Variants in MCF2L observed in about 807,000 individuals in gnomAD.
MCF2L encodes the protein MCF.2 cell line derived transforming sequence like.
A neutral mutation model predicts 153.4 loss-of-function variants in MCF2L; 97 were observed. The observed-to-expected ratio is 0.63, with a 90% confidence interval of 0.54 to 0.75. MCF2L has a LOEUF of 0.75. Among genes scored for constraint, MCF2L ranks in the 30% least tolerant of loss-of-function variants. The probability of loss-of-function intolerance (pLI) is 0.00; values close to 1 mark genes in which losing one functional copy is unlikely to be tolerated. For missense variants in MCF2L, 1,347 were observed against 1,495.2 expected (o/e 0.90, Z 1.64); for synonymous variants, 659 against 632.2 (o/e 1.04, Z -0.64).
intron 1 of MCF2L, among the ~76,000 whole-genome samples, chr13:113,007,310 C>T (rs1352539755): frequency 6.6e-6 from 1 of 152,158 alleles, no homozygotes; most frequent in Non-Finnish European, 1.5e-5. Context: ...AGGCAAGTGC[C>T]CCCCTGCATG....
At chr13:113,090,986 C>T in intron 26 of MCF2L, 1 of 1,235,408 alleles carries the variant, frequency 8.1e-7, no homozygotes, top group Non-Finnish European at 1.0e-6. Flanking sequence ...ACAGAAGCTC[C>T]TTTTTCATCG....
At chr13:113,087,185 G>A in intron 21 of MCF2L, 50 bp from the exon 22 acceptor site, 1 of 1,503,002 alleles carries the variant, frequency 6.7e-7, no homozygotes, top group Non-Finnish European at 9.1e-7. Flanking sequence ...GCGCGTCCAT[G>A]GCCCCAGGCC....
intron 1 of MCF2L, chr13:112,902,135 G>C: frequency 7.3e-7 from 1 of 1,375,610 alleles, no homozygotes; most frequent in South Asian, 1.3e-5. Flanking sequence ...TTTGTTCAGA[G>C]CAACAGTTCT....
At chr13:113,055,398 A>C (rs1372897157) in intron 4 of MCF2L, among the ~76,000 whole-genome samples, 1 of 37,410 alleles carries the variant, frequency 2.7e-5, no homozygotes, top group Admixed American at 3.1e-4. Context: ...ACACACACAC[A>C]CACACACACA....
intron 2 of MCF2L, among the ~76,000 whole-genome samples, chr13:112,911,922 A>C (rs1419291404): frequency 6.6e-6 from 1 of 152,256 alleles, no homozygotes; most frequent in South Asian, 2.1e-4. Flanking sequence ...AAAAGGCTAC[A>C]CGCAGGCTAG....
At chr13:112,955,749 G>A (rs1034820736) in intron 2 of MCF2L, among the ~76,000 whole-genome samples, 1 of 152,198 alleles carries the variant, frequency 6.6e-6, no homozygotes, top group Non-Finnish European at 1.5e-5. Flanking sequence ...CTTTGAATGT[G>A]GAAGCTAAGA....
intron 27 of MCF2L, 79 bp from the exon 28 acceptor site, chr13:113,096,292 G>A (rs2035647507): frequency 4.3e-6 from 5 of 1,151,268 alleles, no homozygotes; most frequent in Middle Eastern, 2.7e-4. Flanking sequence ...GCTAAGGCCC[G>A]GCACTCCGCC....
rs867471676 is a variant in MCF2L at position 112,941,151 on chromosome 13, A to G, written c.169+38780A>G. Among the ~76,000 whole-genome samples the G allele has an allele frequency of 3.9e-5, 6 of 152,136 alleles. No individual in the cohort carries two copies. Among genetic ancestry groups the G allele is most frequent in the Non-Finnish European group, 7.3e-5 (5 of 68,036 alleles). ...TTATCACATAAAAATGTAACCTACA[A>G]AAATTCAGGTCATCAGCCCGTAATG... On this transcript the variant is annotated intron_variant, in intron 2 of 29. Transcript: ENST00000375608. The surrounding 1 kb of genome is among the most constrained non-coding windows in gnomAD (Gnocchi z 4.9).
At chr13:113,082,189 C>T (rs2034207607) in intron 16 of MCF2L, among the ~76,000 whole-genome samples, 1 of 152,226 alleles carries the variant, frequency 6.6e-6, no homozygotes, top group Non-Finnish European at 1.5e-5. Context: ...GTTTCAGTTA[C>T]ACCTGAATCA....
At chr13:113,077,695 C>T (rs575152315) in intron 13 of MCF2L, among the ~76,000 whole-genome samples, 4 of 152,210 alleles carry the variant, frequency 2.6e-5, no homozygotes, top group Non-Finnish European at 5.9e-5. Context: ...CAGTCCGGCG[C>T]GCATTGCTGG....
At position 113,014,572 on chromosome 13, in the gene MCF2L, A is replaced by G. The variant is rs115279309; in HGVS notation, c.80-191A>G. On this transcript the variant is annotated intron_variant, in intron 1 of 29. Coordinates refer to ENST00000535094, the MANE Select transcript of MCF2L (RefSeq NM_001112732.3). ...TTTCAAAATTGATGGTGAATCACTC[A>G]ACACACAGCTTTTATGCGCTGAGAA... Among the ~76,000 whole-genome samples the G allele has an allele frequency of 4.4e-3, 668 of 152,246 alleles. 9 individuals are homozygous for G. The highest frequency in any genetic ancestry group is 0.015 in the African/African-American group (634 of 41,530).
intron 3 of MCF2L, chr13:113,044,416 G>A: frequency 2.3e-6 from 1 of 426,072 alleles, no homozygotes; most frequent in South Asian, 2.1e-5. Flanking sequence ...ACAGAGAGCG[G>A]CCACGCCCAT....
chr13:112,944,585 T>TG (rs989907585), intron 2 of MCF2L, among the ~76,000 whole-genome samples: 2 of 151,338 alleles, frequency 1.3e-5, no homozygotes, highest in African/African-American at 4.9e-5. Flanking sequence ...TTTTTTTTTT[T>TG]TTTTGAGACG....
chr13:113,028,323 G>A lies in MCF2L; in HGVS notation c.278+3565G>A, dbSNP rs1340984122. ...CACCCATCAAGGCCATAAGAGTGTGGTAGGCGGCACGTGTTCATGTGTGCA... is the reference window on the plus strand; with the variant it reads ...CACCCATCAAGGCCATAAGAGTGTGATAGGCGGCACGTGTTCATGTGTGCA... On this transcript the variant is annotated intron_variant, in intron 3 of 29. Coordinates refer to ENST00000535094, the MANE Select transcript of MCF2L (RefSeq NM_001112732.3). This position sits in a 1 kb window ranked among gnomAD's most constrained non-coding sequence, Gnocchi z 5.4. Among the ~76,000 whole-genome samples the A allele has an allele frequency of 2.0e-5, 3 of 152,200 alleles. No homozygotes were observed. The highest frequency in any genetic ancestry group is 2.1e-4 in the South Asian group (1 of 4,824).
At chr13:112,930,966 T>C (rs2081456469) in intron 2 of MCF2L, among the ~76,000 whole-genome samples, 1 of 152,064 alleles carries the variant, frequency 6.6e-6, no homozygotes, top group African/African-American at 2.4e-5. Context: ...AAAAATCATT[T>C]CGGAGGTCAG....
chr13:113,015,571 G>A (rs963258274), intron 2 of MCF2L, among the ~76,000 whole-genome samples: 3 of 152,146 alleles, frequency 2.0e-5, no homozygotes, highest in African/African-American at 4.8e-5. Flanking sequence ...TCAGCATCCC[G>A]GCCCCCAATC....
intron 25 of MCF2L, 118 bp from the exon 26 acceptor site, chr13:113,089,492 C>A: frequency 2.8e-6 from 2 of 713,764 alleles, no homozygotes; most frequent in Non-Finnish European, 5.0e-6. Flanking sequence ...GCAGGAGATG[C>A]TGCTTTAGGA....
Position 112,925,019 on chromosome 13 carries a change from T to C in MCF2L, c.169+22648T>C, listed in dbSNP as rs2081388716. ...TATCAATGGTGTTGGGATAACTGGATAGCCTCATGGAAAAAGATGAAAGTC... is the reference window on the plus strand; with the variant it reads ...TATCAATGGTGTTGGGATAACTGGACAGCCTCATGGAAAAAGATGAAAGTC... On this transcript the variant is annotated intron_variant, in intron 2 of 29. Transcript: ENST00000375608. Among the ~76,000 whole-genome samples the C allele has an allele frequency of 2.0e-5, 3 of 152,324 alleles. No homozygotes were observed. The South Asian group carries it at 6.2e-4, about 32-fold the overall frequency.
rs766184913 is a variant in MCF2L, at chr13:113,094,969, G to T, written c.3075+334G>T. The T allele has an allele frequency of 3.6e-6, 5 of 1,383,254 alleles. No individual in the cohort carries two copies. The South Asian group carries it at 5.7e-5, about 16-fold the overall frequency. The allele number at this position is 1,383,254 out of a possible 1,614,324, so 85.7% of individuals were successfully genotyped here. A position where few individuals can be genotyped will look rare whatever the true frequency, so the allele number is the denominator to read the frequency against. On this transcript the variant is annotated intron_variant, in intron 27 of 29. Coordinates refer to ENST00000535094, the MANE Select transcript of MCF2L (RefSeq NM_001112732.3). ...TTTGTGTTTCTGGGTTAATTTCCAG[G>T]TGCCCACCCAGCCTCCTGTAGAGCC...
Sources: allele counts gnomAD v4.1 joint callset (sites outside exome capture counted in the v4.1 genomes callset), GRCh38; gene constraint gnomAD v4.1.1; non-coding constraint Gnocchi (gnomAD v3.1); transcripts MANE v1.5; gene names NCBI Gene and HGNC (gene_info 2026-07-23, HGNC 2026-07-21).